Variants in LSM1 observed in about 807,000 individuals in gnomAD.
The protein encoded by LSM1 is LSM1 homolog, mRNA degradation associated.
In LSM1, 13 loss-of-function variants were observed where a neutral mutation model predicts 18.0. That is an observed-to-expected ratio of 0.72 (90% CI 0.47 to 1.15). The LOEUF is 1.15. Ranked by LOEUF, LSM1 falls within the 50% of genes most tolerant of loss-of-function variation. The pLI is 0.00. For missense variants in LSM1, 152 were observed against 157.7 expected, an observed-to-expected ratio of 0.96 and a Z score of 0.19; for synonymous variants, 46 against 56.0, an observed-to-expected ratio of 0.82 and a Z score of 0.80.
intron 3 of LSM1, among the ~76,000 whole-genome samples, chr8:38,165,057 T>C (rs1053590043): frequency 4.6e-5 from 7 of 152,020 alleles, no homozygotes; most frequent in African/African-American, 1.4e-4. Flanking sequence ...ATTTAAAAAA[T>C]TGCTGCTTAG....
At chr8:38,167,907 C>G (rs948442381) in intron 3 of LSM1, among the ~76,000 whole-genome samples, 1 of 151,708 alleles carries the variant, frequency 6.6e-6, no homozygotes, top group African/African-American at 2.4e-5. Flanking sequence ...TACTGGCAGA[C>G]TACTTTACAG....
At chr8:38,168,219 C>T (rs1423044349) in intron 3 of LSM1, among the ~76,000 whole-genome samples, 1 of 151,632 alleles carries the variant, frequency 6.6e-6, no homozygotes, top group African/African-American at 2.4e-5. Context: ...CCTCAGCCTC[C>T]CGAAGTGCTG....
upstream of LSM1, chr8:38,176,670 G>A: frequency 1.6e-6 from 1 of 619,170 alleles, no homozygotes; most frequent in Non-Finnish European, 2.6e-6. Flanking sequence ...TTCGTCTCCG[G>A]GTTCCCGAGA....
intron 3 of LSM1, among the ~76,000 whole-genome samples, chr8:38,164,221 A>G (rs1802889885): frequency 3.9e-5 from 6 of 152,052 alleles, no homozygotes; most frequent in Admixed American, 3.9e-4. Flanking sequence ...CGCCTGGCTA[A>G]TTTTTGTATT....
rs1802882242 is a variant in LSM1, at chr8:38,163,837, AG to A, written c.234del (p.Leu79TrpfsTer18). On this transcript the variant is annotated frameshift_variant and splice_region_variant, in exon 4 of 4. Coordinates refer to ENST00000311351, the MANE Select transcript of LSM1 (RefSeq NM_014462.3). LOFTEE classifies it high-confidence loss of function. ...AGGGGTGTGTCACTCTCCTTTTCCAAGTCCTACAAAAGAGACAGGTTTGAAA... is the reference window on the plus strand; with the variant it reads ...AGGGGTGTGTCACTCTCCTTTTCCAATCCTACAAAAGAGACAGGTTTGAAA... Reference protein sequence around the residue: ...GENVVLLGEIDLEKESDTPLQ... With the variant: ...GENVVLLGEIXLEKESDTPLQ... 1 of 1,614,018 alleles carries A rather than the reference AG, an allele frequency of 6.2e-7. No individual in the cohort carries two copies. The highest frequency in any genetic ancestry group is 2.2e-5 in the East Asian group (1 of 44,884).
chr8:38,165,362 A>T (rs1029436502), intron 3 of LSM1, among the ~76,000 whole-genome samples: 1 of 151,914 alleles, frequency 6.6e-6, no homozygotes, highest in Non-Finnish European at 1.5e-5. Context: ...TCAAAAAAAA[A>T]CAAAAAATTG....
At chr8:38,170,266 T>C (rs913918120) in intron 2 of LSM1, among the ~76,000 whole-genome samples, 1 of 152,228 alleles carries the variant, frequency 6.6e-6, no homozygotes, top group Non-Finnish European at 1.5e-5. Context: ...CTTGAACTCC[T>C]GGCCTTGTGA....
intron 2 of LSM1, among the ~76,000 whole-genome samples, chr8:38,171,698 G>A (rs764937031): frequency 4.6e-5 from 7 of 152,124 alleles, no homozygotes; most frequent in African/African-American, 7.2e-5. Flanking sequence ...AAGCCTCTTC[G>A]GTGGACTGAG....
At chr8:38,176,183 G>A (rs1803139166) in intron 1 of LSM1, 92 bp downstream of exon 1, 1 of 1,086,822 alleles carries the variant, frequency 9.2e-7, no homozygotes, top group Non-Finnish European at 1.4e-6. Flanking sequence ...GGCCCCGCCC[G>A]GGACTCATTC....
Position 38,176,453 on chromosome 8 carries a change from G to T in LSM1, c.-133C>A. On this transcript the variant is annotated 5_prime_UTR_variant, in exon 1 of 4. Transcript: ENST00000311351. ...CGACCGAGACCAGCACTTCTGCCCC[G>T]GCTTTCAGCCGCCGGGGGCTGCCGG... 1.4e-6 allele frequency: 1 copy of T among 702,852 alleles called. No individual in the cohort carries two copies. Among genetic ancestry groups the T allele is most frequent in the Non-Finnish European group, 2.4e-6 (1 of 416,736 alleles). The allele number at this position is 702,852 out of a possible 1,614,324, so 43.5% of individuals were successfully genotyped here. A position where few individuals can be genotyped will look rare whatever the true frequency, so the allele number is the denominator to read the frequency against.
intron 3 of LSM1, among the ~76,000 whole-genome samples, chr8:38,165,443 A>T (rs951187448): frequency 6.6e-6 from 1 of 152,192 alleles, no homozygotes; most frequent in Non-Finnish European, 1.5e-5. Context: ...TAGACAAACA[A>T]GGAAAATTTA....
At position 38,171,949 on chromosome 8, in the gene LSM1, A is replaced by G; in HGVS notation, c.115+16T>C. ...ATTATCCAGAGTATAAGAGATGTCC[A>G]TAAATTAATACATACCAAATTGATC... is the stretch of plus-strand genomic sequence containing the variant. On this transcript the variant is annotated intron_variant, in intron 2 of 3. Transcript: ENST00000311351. 6.4e-7 allele frequency: 1 copy of G among 1,574,148 alleles called. No homozygotes were observed. The highest frequency in any genetic ancestry group is 1.8e-5 in the Admixed American group (1 of 56,096).
upstream of LSM1, chr8:38,176,677 G>A (rs113937856): frequency 3.2e-3 from 2,108 of 657,190 alleles, 38 homozygotes; most frequent in African/African-American, 0.033. Flanking sequence ...CCGGGTTCCC[G>A]AGACCCCAGA....
At chr8:38,174,138 T>C (rs944204776) in intron 1 of LSM1, among the ~76,000 whole-genome samples, 5 of 151,932 alleles carry the variant, frequency 3.3e-5, no homozygotes, top group Non-Finnish European at 5.9e-5. Flanking sequence ...CTATTGAAGG[T>C]GATCAAGAAA....
chr8:38,174,744 C>T (rs796694006), intron 1 of LSM1, among the ~76,000 whole-genome samples: 2 of 152,006 alleles, frequency 1.3e-5, no homozygotes, highest in South Asian at 2.1e-4. Context: ...ATCTGTCGGC[C>T]GGAGGCGGTG....
Position 38,176,391 on chromosome 8 carries a change from C to A in LSM1, c.-71G>T. 1.6e-6 allele frequency: 2 copies of A among 1,240,460 alleles called. No homozygotes were observed. The highest frequency in any genetic ancestry group is 2.4e-5 in the East Asian group (1 of 41,730). 76.8% of individuals were successfully genotyped at this position (1,240,460 alleles called of 1,614,324 possible). A position where few individuals can be genotyped will look rare whatever the true frequency, so the allele number is the denominator to read the frequency against. On this transcript the variant is annotated 5_prime_UTR_variant, in exon 1 of 4. Transcript: ENST00000311351. ...GCGTCCAAAACCTCTTCCCTCCTAC[C>A]GCAGTCGCCGCCTCGGTGGGACCAA...
upstream of LSM1, chr8:38,176,552 C>A (rs555536846): frequency 1.7e-6 from 1 of 579,174 alleles, no homozygotes; most frequent in Non-Finnish European, 3.0e-6. Context: ...GGCAGCCGTA[C>A]CGTTGGGGGA....
chr8:38,172,770 T>C (rs1803052900), intron 1 of LSM1, among the ~76,000 whole-genome samples: 1 of 152,236 alleles, frequency 6.6e-6, no homozygotes, highest in African/African-American at 2.4e-5. Context: ...ATTTTGTTTG[T>C]AACCATAGAA....
chr8:38,163,481 G>A lies in LSM1; in HGVS notation c.*189C>T, dbSNP rs1802875404. 1.9e-6 allele frequency: 1 copy of A among 530,000 alleles called. No homozygotes were observed. Among genetic ancestry groups the A allele is most frequent in the Non-Finnish European group, 3.3e-6 (1 of 301,070 alleles). 32.8% of individuals were successfully genotyped at this position (530,000 alleles called of 1,614,324 possible). On this transcript the variant is annotated 3_prime_UTR_variant, in exon 4 of 4. Transcript: ENST00000311351. ...GTCTATGCCACTGTTTCTTTAAACA[G>A]TGATTTTGTTATTAAAAAAAAAACC...
Sources: gnomAD v4.1 joint callset for allele counts (sites outside exome capture counted in the v4.1 genomes callset) on GRCh38, gnomAD v4.1.1 for gene constraint, MANE v1.5 for transcripts, NCBI Gene and HGNC (gene_info 2026-07-23, HGNC 2026-07-21) for gene names.